Variants in RAB3GAP2 observed in about 807,000 individuals in gnomAD.
The protein encoded by RAB3GAP2 is RAB3 GTPase activating non-catalytic protein subunit 2.
A neutral mutation model predicts 185.3 loss-of-function variants in RAB3GAP2; 87 were observed. The ratio of observed to expected loss-of-function variants is 0.47; its 90% CI spans 0.39 to 0.56. RAB3GAP2 has a LOEUF of 0.56. Among genes scored for constraint, RAB3GAP2 ranks in the 20% least tolerant of loss-of-function variants. The probability of loss-of-function intolerance (pLI) is 0.00; values close to 1 mark genes in which losing one functional copy is unlikely to be tolerated. For missense variants in RAB3GAP2, 1,492 were observed against 1,638.2 expected (o/e 0.91, Z 1.54); for synonymous variants, 554 against 576.1 (o/e 0.96, Z 0.55).
intron 14 of RAB3GAP2, 30 bp downstream of exon 14, chr1:220,191,038 A>G (rs1327430714): frequency 6.4e-7 from 1 of 1,566,844 alleles, no homozygotes; most frequent in Admixed American, 1.7e-5. Flanking sequence ...TCATTTTGTA[A>G]CCAGCACAAT....
At chr1:220,163,037 G>A (rs1314377511) in intron 27 of RAB3GAP2, among the ~76,000 whole-genome samples, 1 of 152,152 alleles carries the variant, frequency 6.6e-6, no homozygotes, top group East Asian at 1.9e-4. Context: ...GCACTCGGAG[G>A]CTGAGGTGAT....
At chr1:220,266,959 C>T (rs1007067905) in intron 1 of RAB3GAP2, 2 of 1,602,284 alleles carry the variant, frequency 1.2e-6, no homozygotes, top group African/African-American at 1.3e-5. Context: ...TAAAAATTCA[C>T]AGCAAAGAAC....
At chr1:220,267,470 C>T in intron 1 of RAB3GAP2, 1 of 1,403,918 alleles carries the variant, frequency 7.1e-7, no homozygotes, top group Middle Eastern at 1.8e-4. Context: ...TTTTCTCTTG[C>T]CAAATAAACA....
At chr1:220,235,584 A>G (rs1659575785) in intron 1 of RAB3GAP2, among the ~76,000 whole-genome samples, 1 of 152,228 alleles carries the variant, frequency 6.6e-6, no homozygotes, top group Admixed American at 6.5e-5. Context: ...TGTTCTGGGA[A>G]CTGTGCTAAG....
intron 9 of RAB3GAP2, among the ~76,000 whole-genome samples, chr1:220,198,203 G>C (rs1658766600): frequency 6.6e-6 from 1 of 152,034 alleles, no homozygotes; most frequent in Non-Finnish European, 1.5e-5. Flanking sequence ...TCTTAATCTT[G>C]GTTGACCTAA....
intron 21 of RAB3GAP2, among the ~76,000 whole-genome samples, chr1:220,176,989 C>T (rs904432905): frequency 3.9e-5 from 6 of 152,216 alleles, no homozygotes; most frequent in African/African-American, 1.2e-4. Flanking sequence ...ACAGGCCCCC[C>T]AGCCTCCTTT....
At chr1:220,254,416 A>G in intron 1 of RAB3GAP2, 1 of 1,612,996 alleles carries the variant, frequency 6.2e-7, no homozygotes, top group Non-Finnish European at 8.5e-7. Context: ...GGATGAGAAG[A>G]GCCTTGCTTT....
At position 220,150,038 on chromosome 1, in the gene RAB3GAP2, C is replaced by T. The variant is rs1291850211; in HGVS notation, c.*1213G>A. ...ATGGCTACATTCTAAAAATATACCA[C>T]AATAAATACTTGGTATTTGTAGAGC... On this transcript the variant is annotated 3_prime_UTR_variant, in exon 35 of 35. Transcript: ENST00000358951. The T allele has an allele frequency of 1.3e-5, 2 of 151,646 alleles. No individual in the cohort carries two copies. Among genetic ancestry groups the T allele is most frequent in the Admixed American group, 1.3e-4 (2 of 15,230 alleles). 9.4% of individuals were successfully genotyped at this position (151,646 alleles called of 1,614,324 possible). A position where few individuals can be genotyped will look rare whatever the true frequency, so the allele number is the denominator to read the frequency against.
At chr1:220,242,587 T>C (rs1427060751) in intron 1 of RAB3GAP2, among the ~76,000 whole-genome samples, 6 of 152,208 alleles carry the variant, frequency 3.9e-5, no homozygotes, top group Non-Finnish European at 5.9e-5. Context: ...TGTGTCAATG[T>C]AGCATAACTT....
rs773721127 is a variant in RAB3GAP2, at chr1:220,210,409, T to C, written c.591A>G (p.Arg197=). The part of the protein sequence containing the change: ...QLKCRTYEIP[R]HPGVTEQNEE... ...CTACCTGCTCAGTCACGCCGGGATG[T>C]CGTGGTATTTCATAGGTTCTGCATT... Residue 197 remains arginine (R), a synonymous_variant, in exon 7 of 35, where the codon CGA becomes CGG. Coordinates refer to ENST00000358951, the MANE Select transcript of RAB3GAP2 (RefSeq NM_012414.4). The C allele has an allele frequency of 6.2e-7, 1 of 1,614,030 alleles. No individual in the cohort carries two copies. Among genetic ancestry groups the C allele is most frequent in the South Asian group, 1.1e-5 (1 of 91,082 alleles).
intron 1 of RAB3GAP2, chr1:220,267,296 G>C (rs1376565682): frequency 7.4e-6 from 7 of 940,434 alleles, no homozygotes; most frequent in Non-Finnish European, 1.2e-5. Flanking sequence ...TCCAGAATTA[G>C]GTAGACTCTG....
At chr1:220,253,953 G>A (rs1659986148) in intron 1 of RAB3GAP2, 1 of 1,613,670 alleles carries the variant, frequency 6.2e-7, no homozygotes, top group Non-Finnish European at 8.5e-7. Context: ...GTACCAGTGA[G>A]ACCCCTCAGC....
intron 13 of RAB3GAP2, among the ~76,000 whole-genome samples, chr1:220,191,831 A>G (rs911464379): frequency 6.6e-6 from 1 of 151,152 alleles, no homozygotes; most frequent in East Asian, 1.9e-4. Flanking sequence ...AAAAAAAAAG[A>G]GAAAAGATTA....
At chr1:220,165,925 CAA>C (rs1428813049) in intron 26 of RAB3GAP2, among the ~76,000 whole-genome samples, 3 of 152,148 alleles carry the variant, frequency 2.0e-5, no homozygotes, top group Non-Finnish European at 4.4e-5. Context: ...GGTTTATAAA[CAA>C]ATACTACAAA....
At chr1:220,176,669 A>G (rs1474929830) in intron 21 of RAB3GAP2, among the ~76,000 whole-genome samples, 1 of 152,058 alleles carries the variant, frequency 6.6e-6, no homozygotes, top group Non-Finnish European at 1.5e-5. Flanking sequence ...TTGCATAAGG[A>G]CCCAGAGGCA....
chr1:220,149,843 A>G lies in RAB3GAP2; in HGVS notation c.*1408T>C, dbSNP rs1487723979. The G allele has an allele frequency of 6.6e-6, 1 of 152,200 alleles. No homozygotes were observed. The highest frequency in any genetic ancestry group is 1.5e-5 in the Non-Finnish European group (1 of 68,034). The allele number at this position is 152,200 out of a possible 1,614,324, so 9.4% of individuals were successfully genotyped here. A position where few individuals can be genotyped will look rare whatever the true frequency, so the allele number is the denominator to read the frequency against. ...TTGTTTGGATGTGCTCTTTTAGCTC[A>G]AAAAACAGATTTGTTTTTCTTTTTA... On this transcript the variant is annotated 3_prime_UTR_variant, in exon 35 of 35. Transcript: ENST00000358951.
Position 220,184,061 on chromosome 1 carries a change from T to G in RAB3GAP2, c.1973A>C (p.His658Pro). The G allele has an allele frequency of 6.3e-7, 1 of 1,589,282 alleles. No individual in the cohort carries two copies. The highest frequency in any genetic ancestry group is 8.6e-7 in the Non-Finnish European group (1 of 1,158,556). ...ATTATCAGAGAATGGTGTGTCTAAA[T>G]GAAAATCAAGGGAATTTAATTGACT... ...SVSQLNSLDF[H>P]LDTPFSDNDL... The change falls in exon 19 of 35, where the codon CAT becomes CCT. Residue 658 changes from histidine (H) to proline (P), a missense_variant. By Grantham distance (77) the His-to-Pro change is moderately conservative. This residue lies in a region of RAB3GAP2 where 681 missense variants were observed against 689.1 expected (regional missense o/e 0.99). Coordinates refer to ENST00000358951, the MANE Select transcript of RAB3GAP2 (RefSeq NM_012414.4).
intron 1 of RAB3GAP2, 36 bp downstream of exon 1, chr1:220,272,187 C>T: frequency 6.5e-7 from 1 of 1,536,018 alleles, no homozygotes; most frequent in Non-Finnish European, 8.9e-7. Context: ...CCGCGGGTGA[C>T]GAGGGAAGGA....
At chr1:220,195,000 A>G (rs1012272358) in intron 12 of RAB3GAP2, 78 bp downstream of exon 12, 83 of 1,389,176 alleles carry the variant, frequency 6.0e-5, no homozygotes, top group East Asian at 4.6e-5. Context: ...CAGCAAATCA[A>G]CCAAGCACAC....
Sources: allele counts gnomAD v4.1 joint callset (sites outside exome capture counted in the v4.1 genomes callset), GRCh38; gene constraint gnomAD v4.1.1; regional missense constraint gnomAD v4.1.1; transcripts MANE v1.5; gene names NCBI Gene and HGNC (gene_info 2026-07-23, HGNC 2026-07-21).